The following KCNT2 variants were observed in gnomAD, a reference collection of about 807,000 sequenced individuals.
KCNT2 encodes the protein potassium sodium-activated channel subfamily T member 2.
A neutral mutation model predicts 153.8 loss-of-function variants in KCNT2; 67 were observed. That is an observed-to-expected ratio of 0.44 (90% confidence interval 0.36 to 0.53). KCNT2 has a LOEUF of 0.53. KCNT2 is among the 20% of genes least tolerant of loss of function. KCNT2 has a pLI of 0.00. For synonymous variants in KCNT2, 500 were observed against 458.8 expected, an observed-to-expected ratio of 1.09 and a Z score of -1.15; for missense variants, 975 against 1,354.8, an observed-to-expected ratio of 0.72 and a Z score of 4.40.
intron 8 of KCNT2, among the ~76,000 whole-genome samples, chr1:196,449,216 C>CTGA (rs1675946812): frequency 6.6e-6 from 1 of 151,584 alleles, no homozygotes; most frequent in Non-Finnish European, 1.5e-5. Context: ...GGTTTTCCAC[C>CTGA]TTCACAGTAG....
intron 13 of KCNT2, among the ~76,000 whole-genome samples, chr1:196,386,587 G>A (rs1670007210): frequency 6.6e-6 from 1 of 151,988 alleles, no homozygotes; most frequent in South Asian, 2.1e-4. Context: ...ATATATTTCT[G>A]GAGAGCAAAT....
At chr1:196,327,760 A>G (rs1200430183) in intron 18 of KCNT2, among the ~76,000 whole-genome samples, 1 of 147,748 alleles carries the variant, frequency 6.8e-6, no homozygotes, top group Non-Finnish European at 1.5e-5. Flanking sequence ...TCAAATTTCC[A>G]GTCTCAGGTG....
Position 196,447,760 on chromosome 1 carries a change from G to A in KCNT2, c.638+17533C>T, listed in dbSNP as rs1170958089. On this transcript the variant is annotated intron_variant, in intron 8 of 27. Transcript: ENST00000294725. ...GGAGTAACTGACAGAGAAGATAGAC[G>A]AAAAAAGTTGTCTGGAAAGACAGAA... 3.3e-5 allele frequency among the ~76,000 whole-genome samples: 5 copies of A among 150,860 alleles called. No individual in the cohort carries two copies. The Admixed American group carries it at 3.3e-4, about 10-fold the overall frequency.
intron 1 of KCNT2, among the ~76,000 whole-genome samples, chr1:196,562,711 T>C (rs1244042556): frequency 2.0e-5 from 3 of 151,448 alleles, no homozygotes; most frequent in Non-Finnish European, 2.9e-5. Context: ...TTCTTCTCTT[T>C]TTTTTTTTTC....
intron 8 of KCNT2, among the ~76,000 whole-genome samples, chr1:196,439,482 T>C (rs1260916053): frequency 6.6e-6 from 1 of 151,936 alleles, no homozygotes; most frequent in Non-Finnish European, 1.5e-5. Context: ...GTGAAACAAA[T>C]ATGCCCCTTG....
chr1:196,589,565 A>G (rs1021901361), intron 1 of KCNT2, among the ~76,000 whole-genome samples: 3 of 152,042 alleles, frequency 2.0e-5, no homozygotes, highest in Non-Finnish European at 4.4e-5. Flanking sequence ...CCAAAAACCA[A>G]TCCCTCTGAG....
intron 1 of KCNT2, among the ~76,000 whole-genome samples, chr1:196,603,220 C>T (rs1000199800): frequency 2.0e-5 from 3 of 152,086 alleles, no homozygotes; most frequent in African/African-American, 7.2e-5. Context: ...AAAGTAAATG[C>T]TTAAATCATT....
intron 21 of KCNT2, among the ~76,000 whole-genome samples, chr1:196,314,733 TG>T (rs923964822): frequency 1.3e-4 from 20 of 151,830 alleles, no homozygotes; most frequent in African/African-American, 4.8e-4. Context: ...GACTGTCAGC[TG>T]GAGCCTCTAG....
chr1:196,352,911 T>C (rs1666855335), intron 14 of KCNT2, among the ~76,000 whole-genome samples: 1 of 151,764 alleles, frequency 6.6e-6, no homozygotes, highest in Admixed American at 6.6e-5. Context: ...TTGTGTCTTC[T>C]CATTGGTTTC....
At chr1:196,581,944 G>A (rs1662106778) in intron 1 of KCNT2, among the ~76,000 whole-genome samples, 1 of 152,008 alleles carries the variant, frequency 6.6e-6, no homozygotes, top group Non-Finnish European at 1.5e-5. Flanking sequence ...GGAAAATTAT[G>A]TCTTTCATAA....
At chr1:196,367,845 G>A (rs1410026917) in intron 14 of KCNT2, among the ~76,000 whole-genome samples, 2 of 152,154 alleles carry the variant, frequency 1.3e-5, no homozygotes, top group East Asian at 1.9e-4. Context: ...AAGGCAATGA[G>A]TGGGACTCAT....
intron 8 of KCNT2, among the ~76,000 whole-genome samples, chr1:196,437,819 T>A (rs1674861077): frequency 6.6e-6 from 1 of 151,492 alleles, no homozygotes; most frequent in African/African-American, 2.4e-5. Flanking sequence ...TACAAATAAA[T>A]TTATTAATGT....
rs571426968 is a variant in KCNT2, at chr1:196,403,698, C to G, written c.1186-5027G>C. 5.3e-5 allele frequency among the ~76,000 whole-genome samples: 8 copies of G among 150,818 alleles called. No homozygotes were observed. The South Asian group carries it at 1.7e-3, about 32-fold the overall frequency. ...ATGGACATTCTCTATATTTTTTGTTCCATTCTCTCTGTAAACCTAAAATGG... is the reference window on the plus strand; with the variant it reads ...ATGGACATTCTCTATATTTTTTGTTGCATTCTCTCTGTAAACCTAAAATGG... On this transcript the variant is annotated intron_variant, in intron 12 of 27. Coordinates refer to ENST00000294725, the MANE Select transcript of KCNT2 (RefSeq NM_198503.5).
intron 16 of KCNT2, 49 bp downstream of exon 16, chr1:196,340,292 T>A: frequency 8.8e-7 from 1 of 1,134,996 alleles, no homozygotes; most frequent in Non-Finnish European, 1.2e-6. Context: ...TATCATTATT[T>A]TTTATTTTAG....
chr1:196,263,145 G>A (rs1020032325), intron 25 of KCNT2, among the ~76,000 whole-genome samples: 1 of 151,134 alleles, frequency 6.6e-6, no homozygotes, highest in African/African-American at 2.4e-5. Context: ...TGGTCTCTTA[G>A]GTATCTTTCA....
chr1:196,313,335 G>A (rs1662375663), intron 21 of KCNT2, among the ~76,000 whole-genome samples: 1 of 151,592 alleles, frequency 6.6e-6, no homozygotes, highest in South Asian at 2.1e-4. Flanking sequence ...ATAGTTCAAG[G>A]TTTAGGCTAT....
rs1653498941 is a variant in KCNT2, at chr1:196,226,463, G to A, written c.*1761C>T. 6.6e-6 allele frequency: 1 copy of A among 151,708 alleles called. No homozygotes were observed. Among genetic ancestry groups the A allele is most frequent in the Admixed American group, 6.6e-5 (1 of 15,234 alleles). The allele number at this position is 151,708 out of a possible 1,614,324, so 9.4% of individuals were successfully genotyped here. On this transcript the variant is annotated 3_prime_UTR_variant, in exon 28 of 28. Transcript: ENST00000294725. ...ATGCATACAATCTTTAAGTTTTAAG[G>A]CATGCTCCCAATTTTAGCTAACCTG...
intron 8 of KCNT2, among the ~76,000 whole-genome samples, chr1:196,449,509 T>A (rs1675969690): frequency 1.3e-5 from 2 of 151,768 alleles, no homozygotes. Flanking sequence ...AACCCTGGTA[T>A]ATTAACCTGG....
chr1:196,490,004 T>G, intron 2 of KCNT2, 67 bp from the exon 3 acceptor site: 2 of 686,786 alleles, frequency 2.9e-6, no homozygotes, highest in Non-Finnish European at 4.9e-6. Context: ...AAAAGAATTG[T>G]CAAAAATATC....
Sources: allele counts gnomAD v4.1 joint callset (sites outside exome capture counted in the v4.1 genomes callset), GRCh38; gene constraint gnomAD v4.1.1; transcripts MANE v1.5; gene names NCBI Gene and HGNC (gene_info 2026-07-23, HGNC 2026-07-21).